RSU1: variants seen among roughly 807,000 people sequenced by gnomAD.
The protein encoded by RSU1 is Ras suppressor protein 1.
In RSU1, 26 loss-of-function variants were observed where a neutral mutation model predicts 31.1. That is an observed-to-expected ratio of 0.84 (90% CI 0.61 to 1.16). RSU1 has a LOEUF of 1.16. Ranked by LOEUF, RSU1 falls within the 50% of genes most tolerant of loss-of-function variation. RSU1 has a pLI of 0.00. For synonymous variants in RSU1, 164 were observed against 136.3 expected, an observed-to-expected ratio of 1.20 and a Z score of -1.41; for missense variants, 320 against 339.1, an observed-to-expected ratio of 0.94 and a Z score of 0.44.
intron 8 of RSU1, among the ~76,000 whole-genome samples, chr10:16,691,470 T>A (rs1835548104): frequency 6.7e-6 from 1 of 150,246 alleles, no homozygotes; most frequent in South Asian, 2.1e-4. Flanking sequence ...GACAAAGGGG[T>A]GACGACAGCT....
chr10:16,806,838 C>G (rs1838280162), intron 2 of RSU1, among the ~76,000 whole-genome samples: 1 of 152,184 alleles, frequency 6.6e-6, no homozygotes, highest in Non-Finnish European at 1.5e-5. Context: ...ACTGGAGCCT[C>G]TACCTCCCAG....
chr10:16,610,634 G>T (rs930492518), intron 8 of RSU1, among the ~76,000 whole-genome samples: 1 of 152,178 alleles, frequency 6.6e-6, no homozygotes, highest in African/African-American at 2.4e-5. Flanking sequence ...TCTAGTTGCA[G>T]GAAAATAAGC....
chr10:16,735,296 C>G (rs148974699), intron 7 of RSU1, among the ~76,000 whole-genome samples: 1 of 152,286 alleles, frequency 6.6e-6, no homozygotes, highest in African/African-American at 2.4e-5. Context: ...AACATGAAGT[C>G]TGATATGCAT....
intron 8 of RSU1, among the ~76,000 whole-genome samples, chr10:16,608,933 A>G (rs896692266): frequency 6.6e-6 from 1 of 152,132 alleles, no homozygotes; most frequent in South Asian, 2.1e-4. Context: ...CCTGGACTCA[A>G]TAGATCCTCC....
At chr10:16,633,882 G>T (rs183374020) in intron 8 of RSU1, among the ~76,000 whole-genome samples, 30 of 152,288 alleles carry the variant, frequency 2.0e-4, no homozygotes, top group South Asian at 6.2e-4. Flanking sequence ...GACCGAGACC[G>T]ATTGGACATC....
intron 8 of RSU1, among the ~76,000 whole-genome samples, chr10:16,667,053 C>CA (rs753949373): frequency 1.5e-4 from 22 of 151,624 alleles, no homozygotes; most frequent in African/African-American, 5.1e-4. Flanking sequence ...ACAACAACAA[C>CA]AAAAAACAAA....
chr10:16,648,319 C>A (rs972424542), intron 8 of RSU1, among the ~76,000 whole-genome samples: 3 of 152,032 alleles, frequency 2.0e-5, no homozygotes, highest in African/African-American at 4.8e-5. Context: ...TCTTCCATCT[C>A]ACAAAGAATG....
intron 7 of RSU1, among the ~76,000 whole-genome samples, chr10:16,729,148 A>G (rs1243657384): frequency 2.6e-5 from 4 of 152,232 alleles, no homozygotes; most frequent in East Asian, 1.9e-4. Context: ...TAAAGCATCT[A>G]TGGAAGCTTT....
intron 8 of RSU1, among the ~76,000 whole-genome samples, chr10:16,672,636 C>T (rs565167999): frequency 2.0e-5 from 3 of 151,746 alleles, no homozygotes; most frequent in East Asian, 1.9e-4. Context: ...ATAGAGTACA[C>T]ATTATATGTC....
intron 7 of RSU1, among the ~76,000 whole-genome samples, chr10:16,722,567 G>C (rs1178502547): frequency 1.3e-5 from 2 of 152,132 alleles, no homozygotes; most frequent in African/African-American, 4.8e-5. Context: ...GGTATCAGGT[G>C]AGAGGTCTAG....
intron 8 of RSU1, among the ~76,000 whole-genome samples, chr10:16,656,150 A>G (rs1303190118): frequency 6.6e-6 from 1 of 152,252 alleles, no homozygotes; most frequent in Non-Finnish European, 1.5e-5. Context: ...ACTGGAAAGC[A>G]TAAAGAGAGA....
intron 7 of RSU1, among the ~76,000 whole-genome samples, chr10:16,734,558 T>TG (rs1029066886): frequency 1.2e-4 from 19 of 152,120 alleles, no homozygotes; most frequent in South Asian, 4.1e-4. Flanking sequence ...AAATATATAT[T>TG]GGGGGGGTTA....
At chr10:16,769,759 G>A (rs1197941370) in intron 3 of RSU1, among the ~76,000 whole-genome samples, 1 of 152,192 alleles carries the variant, frequency 6.6e-6, no homozygotes, top group East Asian at 1.9e-4. Context: ...ATGCGATAAT[G>A]CGATGAGTAT....
intron 4 of RSU1, among the ~76,000 whole-genome samples, chr10:16,756,121 G>C (rs765385317): frequency 2.0e-5 from 3 of 151,934 alleles, no homozygotes; most frequent in Non-Finnish European, 4.4e-5. Flanking sequence ...TCATGTTTTT[G>C]TTCTACAACT....
In RSU1 at chr10:16,764,985, T is replaced by TG. The variant is rs1005732807; in HGVS notation, c.161-476dup. Among the ~76,000 whole-genome samples, 342 of 148,220 alleles carry TG rather than the reference T, an allele frequency of 2.3e-3. 7 individuals are homozygous for TG. The highest frequency in any genetic ancestry group is 1.4e-3 in the East Asian group (7 of 5,092). On this transcript the variant is annotated intron_variant, in intron 3 of 8. Transcript: ENST00000345264. ...GGCACAGTTTGTTTCAGATGGCTAATGGGGGGGGAGAAACAGAGCAAAAAT... is the reference window on the plus strand; with the variant it reads ...GGCACAGTTTGTTTCAGATGGCTAATGGGGGGGGGAGAAACAGAGCAAAAAT...
chr10:16,605,260 C>T (rs186740781), intron 8 of RSU1, among the ~76,000 whole-genome samples: 4 of 152,258 alleles, frequency 2.6e-5, no homozygotes, highest in South Asian at 2.1e-4. Flanking sequence ...TCTTTGACTA[C>T]GTTCATTTCC....
intron 7 of RSU1, among the ~76,000 whole-genome samples, chr10:16,698,367 C>T (rs1457101542): frequency 2.6e-5 from 4 of 152,182 alleles, no homozygotes; most frequent in South Asian, 2.1e-4. Context: ...CGTATTTCTG[C>T]GGGAAAGAAG....
chr10:16,699,870 T>C lies in RSU1; in HGVS notation c.599-4715A>G, dbSNP rs1835752349. ...TATCACTCAGAGGCTTATTCTGCAA[T>C]TGCAAATTGGATTTTCCATTTTATT... On this transcript the variant is annotated intron_variant, in intron 7 of 8. Transcript: ENST00000345264. Among the ~76,000 whole-genome samples the C allele has an allele frequency of 2.6e-5, 4 of 152,352 alleles. No individual in the cohort carries two copies. In the South Asian group the frequency reaches 8.3e-4, roughly 32 times the overall value.
intron 3 of RSU1, among the ~76,000 whole-genome samples, chr10:16,773,325 G>T (rs540431318): frequency 1.7e-4 from 26 of 152,332 alleles, no homozygotes; most frequent in Non-Finnish European, 3.2e-4. Context: ...GCAGGAAGGG[G>T]AGGAAAAGGA....
Sources: allele counts gnomAD v4.1 joint callset (sites outside exome capture counted in the v4.1 genomes callset), GRCh38; gene constraint gnomAD v4.1.1; transcripts MANE v1.5; gene names NCBI Gene and HGNC (gene_info 2026-07-23, HGNC 2026-07-21).